Variants in DPH6 observed in about 807,000 individuals in gnomAD.
DPH6 encodes diphthine--ammonia ligase.
DPH6 carries 33 observed loss-of-function variants against 38.2 expected under a neutral mutation model. The ratio of observed to expected loss-of-function variants is 0.86; its 90% CI spans 0.65 to 1.15. The LOEUF (loss-of-function observed/expected upper bound fraction) is 1.15, where lower values mean the gene tolerates loss of function less well. DPH6 is among the 50% of genes most tolerant of loss of function. The pLI is 0.00. For missense variants in DPH6, 325 were observed against 320.0 expected, an observed-to-expected ratio of 1.02 and a Z score of -0.12; for synonymous variants, 108 against 103.0, an observed-to-expected ratio of 1.05 and a Z score of -0.30.
At chr15:35,205,737 T>C in the DPH6 span, among the ~76,000 whole-genome samples, 1 of 152,104 alleles carries the variant, frequency 6.6e-6, no homozygotes, top group South Asian at 2.1e-4. Context: ...TGTGCTAGAA[T>C]AAATACTGAG....
intron 3 of DPH6, among the ~76,000 whole-genome samples, chr15:35,269,070 C>G (rs1280025376): frequency 1.3e-5 from 2 of 152,154 alleles, no homozygotes; most frequent in Admixed American, 6.5e-5. Context: ...CCCAAGTCTT[C>G]TGCTGCTATT....
intron 3 of DPH6, among the ~76,000 whole-genome samples, chr15:35,481,882 T>A (rs1941795394): frequency 6.6e-6 from 1 of 152,212 alleles, no homozygotes; most frequent in African/African-American, 2.4e-5. Context: ...GATTTCAATA[T>A]GGTAGATTTA....
chr15:35,198,321 T>C, the DPH6 span, among the ~76,000 whole-genome samples: 6 of 152,282 alleles, frequency 3.9e-5, no homozygotes, highest in Non-Finnish European at 7.4e-5. Context: ...AGAAAGATGG[T>C]TTTCTATAAA....
intron 3 of DPH6, chr15:35,489,697 A>G: frequency 1.0e-6 from 1 of 974,214 alleles, no homozygotes; most frequent in Non-Finnish European, 1.2e-6. Context: ...TCTTTTGTCT[A>G]ATAATAAAAG....
the DPH6 span, among the ~76,000 whole-genome samples, chr15:35,197,973 T>A: frequency 2.0e-5 from 3 of 152,120 alleles, no homozygotes; most frequent in African/African-American, 7.2e-5. Flanking sequence ...ACGACTAGAA[T>A]GCTCAGAGCC....
chr15:35,398,710 C>T lies in DPH6; in HGVS notation c.567+12125G>A, dbSNP rs535859040. On this transcript the variant is annotated intron_variant, in intron 6 of 8. Transcript: ENST00000256538. ...AATTAACAGAACGCAAGAAAAAGGTCGTGGGAATGCTTGATTTATGGCCAG... is the reference window on the plus strand; with the variant it reads ...AATTAACAGAACGCAAGAAAAAGGTTGTGGGAATGCTTGATTTATGGCCAG... Among the ~76,000 whole-genome samples the T allele has an allele frequency of 9.2e-5, 14 of 152,252 alleles. No individual in the cohort carries two copies. The East Asian group carries it at 1.2e-3, about 13-fold the overall frequency.
At chr15:35,270,782 T>C (rs1379932276) in intron 3 of DPH6, among the ~76,000 whole-genome samples, 1 of 152,204 alleles carries the variant, frequency 6.6e-6, no homozygotes, top group African/African-American at 2.4e-5. Context: ...ATTCTCCTAA[T>C]AAGGAAATGA....
chr15:35,418,181 T>C (rs969508239), intron 5 of DPH6, among the ~76,000 whole-genome samples: 1 of 152,104 alleles, frequency 6.6e-6, no homozygotes, highest in Non-Finnish European at 1.5e-5. Flanking sequence ...AGCCAGTTAA[T>C]TATGGAATGT....
At chr15:35,475,358 T>C (rs1322521280) in intron 3 of DPH6, among the ~76,000 whole-genome samples, 25 of 152,114 alleles carry the variant, frequency 1.6e-4, no homozygotes. Flanking sequence ...TCTGTAGACA[T>C]CAATGTTTAT....
intron 3 of DPH6, among the ~76,000 whole-genome samples, chr15:35,506,154 C>A (rs1221678940): frequency 1.3e-5 from 2 of 152,060 alleles, no homozygotes; most frequent in East Asian, 3.9e-4. Flanking sequence ...TATTTAGGAA[C>A]CATGGCCTAA....
intron 3 of DPH6, among the ~76,000 whole-genome samples, chr15:35,469,366 G>A (rs1313092990): frequency 6.6e-6 from 1 of 152,112 alleles, no homozygotes; most frequent in Admixed American, 6.6e-5. Flanking sequence ...ATTTTTAAAA[G>A]GTTGTATAGG....
intron 3 of DPH6, among the ~76,000 whole-genome samples, chr15:35,335,279 C>T (rs755035182): frequency 6.6e-6 from 1 of 152,002 alleles, no homozygotes; most frequent in East Asian, 1.9e-4. Flanking sequence ...TCCTTGTAGA[C>T]TCTGTATATT....
chr15:35,411,238 A>G (rs373708063), intron 5 of DPH6, among the ~76,000 whole-genome samples: 9 of 151,728 alleles, frequency 5.9e-5, no homozygotes, highest in African/African-American at 2.2e-4. Context: ...TTTATATTTT[A>G]ATGGTTATGA....
At chr15:35,476,074 TA>T (rs1392103043) in intron 3 of DPH6, among the ~76,000 whole-genome samples, 4 of 151,834 alleles carry the variant, frequency 2.6e-5, no homozygotes, top group Non-Finnish European at 5.9e-5. Flanking sequence ...ATAAAAATTT[TA>T]AAAAATATAT....
intron 6 of DPH6, among the ~76,000 whole-genome samples, chr15:35,382,378 C>T (rs938912696): frequency 2.6e-5 from 4 of 151,972 alleles, no homozygotes; most frequent in African/African-American, 9.7e-5. Flanking sequence ...GGAGCTCAGC[C>T]GAGTTTGCAG....
At chr15:35,343,175 T>G (rs1262754602) in intron 3 of DPH6, among the ~76,000 whole-genome samples, 1 of 152,208 alleles carries the variant, frequency 6.6e-6, no homozygotes, top group Non-Finnish European at 1.5e-5. Context: ...CAACAAAATG[T>G]AAGATATCTT....
intron 3 of DPH6, among the ~76,000 whole-genome samples, chr15:35,344,610 A>G (rs2052447090): frequency 6.6e-6 from 1 of 151,936 alleles, no homozygotes; most frequent in Non-Finnish European, 1.5e-5. Context: ...AATTGAATAA[A>G]AAAAGAGTAA....
Position 35,325,477 on chromosome 15 carries a change from G to A in DPH6, n.200+48044C>T, listed in dbSNP as rs531589245. On this transcript the variant is annotated intron_variant and non_coding_transcript_variant, in intron 3 of 3. Transcript: ENST00000560386. Reference sequence around the variant, plus strand: ...GTAACACTGCAGAACCCGGGAGAAAGAATTATCCTTTACATCCACAGTGCT... The same window carrying A: ...GTAACACTGCAGAACCCGGGAGAAAAAATTATCCTTTACATCCACAGTGCT... Among the ~76,000 whole-genome samples the A allele has an allele frequency of 2.0e-5, 3 of 152,222 alleles. No individual in the cohort carries two copies. In the South Asian group the frequency reaches 6.2e-4, roughly 32 times the overall value.
intron 7 of DPH6, among the ~76,000 whole-genome samples, chr15:35,377,444 TA>T (rs1302382015): frequency 2.6e-5 from 4 of 152,122 alleles, no homozygotes; most frequent in Non-Finnish European, 5.9e-5. Context: ...AATACTGACA[TA>T]AAAATGTATA....
Sources: gnomAD v4.1 joint callset for allele counts (sites outside exome capture counted in the v4.1 genomes callset) on GRCh38, gnomAD v4.1.1 for gene constraint, MANE v1.5 for transcripts, NCBI Gene and HGNC (gene_info 2026-07-23, HGNC 2026-07-21) for gene names.